ATP2A2: variants seen among roughly 807,000 people sequenced by gnomAD.
ATP2A2 encodes the protein ATPase sarcoplasmic/endoplasmic reticulum Ca2+ transporting 2, also known as sarcoplasmic/endoplasmic reticulum calcium ATPase 2.
ATP2A2 carries 14 observed loss-of-function variants against 109.3 expected under a neutral mutation model. The observed-to-expected ratio is 0.13, with a 90% CI of 0.08 to 0.20. The LOEUF (loss-of-function observed/expected upper bound fraction) is 0.20, where lower values mean the gene tolerates loss of function less well. Ranked by LOEUF, ATP2A2 falls within the 10% of genes least tolerant of loss-of-function variation. The pLI is 1.00. For missense variants in ATP2A2, 657 were observed against 1,321.6 expected (o/e 0.50, Z 7.80); for synonymous variants, 506 against 490.9 (o/e 1.03, Z -0.41).
At chr12:110,308,105 A>T (rs1257278802) in intron 5 of ATP2A2, among the ~76,000 whole-genome samples, 1 of 152,196 alleles carries the variant, frequency 6.6e-6, no homozygotes, top group Non-Finnish European at 1.5e-5. Flanking sequence ...CATCTTGCTG[A>T]ACTCATTAGT....
chr12:110,289,427 A>C (rs1464437860), intron 3 of ATP2A2, among the ~76,000 whole-genome samples: 3 of 152,310 alleles, frequency 2.0e-5, no homozygotes, highest in Middle Eastern at 3.4e-3. Context: ...CCTGGCCTTA[A>C]CACTAGAATG....
chr12:110,339,490 G>A lies in ATP2A2; in HGVS notation c.1543-13G>A. The A allele has an allele frequency of 1.9e-6, 3 of 1,613,976 alleles. No homozygotes were observed. The highest frequency in any genetic ancestry group is 2.2e-5 in the East Asian group (1 of 44,874). On this transcript the variant is annotated splice_polypyrimidine_tract_variant and intron_variant, in intron 12 of 19. Transcript: ENST00000539276. This position sits in a 1 kb window ranked among gnomAD's most constrained non-coding sequence, Gnocchi z 4.4. Reference sequence around the variant, plus strand: ...AAAACAAAATTGTTTATCTAAATCTGTAACATTTCCAGGGTGCTCCTGAAG... The same window carrying A: ...AAAACAAAATTGTTTATCTAAATCTATAACATTTCCAGGGTGCTCCTGAAG...
intron 4 of ATP2A2, among the ~76,000 whole-genome samples, chr12:110,293,850 G>GTATATATA (rs1276415415): frequency 8.2e-6 from 1 of 122,480 alleles, no homozygotes. Flanking sequence ...GTGTGTGTGT[G>GTATATATA]TGTGTGTGTG....
chr12:110,314,715 G>T (rs1238481251), intron 5 of ATP2A2, among the ~76,000 whole-genome samples: 1 of 152,094 alleles, frequency 6.6e-6, no homozygotes, highest in African/African-American at 2.4e-5. Context: ...GCAGTACCTG[G>T]TCTAGAAATA....
At chr12:110,345,120 G>A (rs1879719121) in intron 17 of ATP2A2, 129 bp from the exon 18 acceptor site, 37 of 1,526,800 alleles carry the variant, frequency 2.4e-5, no homozygotes, top group South Asian at 1.4e-4. Context: ...GGGCTTCTCC[G>A]AGAAATTGGG....
At chr12:110,346,176 G>A (rs758657320) in intron 19 of ATP2A2, 25 bp from the exon 20 acceptor site, 15 of 1,614,062 alleles carry the variant, frequency 9.3e-6, no homozygotes, top group Middle Eastern at 1.6e-4. Context: ...GGCTGGAGGC[G>A]TGACACGTCT....
chr12:110,297,372 G>A (rs1874072671), intron 5 of ATP2A2, among the ~76,000 whole-genome samples: 1 of 147,916 alleles, frequency 6.8e-6, no homozygotes, highest in Non-Finnish European at 1.5e-5. Context: ...GGAGGCGGAG[G>A]TTGCAGTGAG....
Position 110,282,724 on chromosome 12 carries a change from C to T in ATP2A2, c.148C>T (p.Leu50=). 5 of 1,614,018 alleles carry T rather than the reference C, an allele frequency of 3.1e-6. No individual in the cohort carries two copies. The highest frequency in any genetic ancestry group is 2.2e-5 in the East Asian group (1 of 44,862). ...TTTGTTTCTTACAGGAAAAACCTTG[C>T]TGGAACTTGTGATTGAGCAGTTTGA... is the stretch of plus-strand genomic sequence containing the variant. ...ELPAEEGKTL[L]ELVIEQFEDL... Residue 50 remains leucine, a synonymous_variant, in exon 3 of 20, where the codon CTG becomes TTG. Transcript: ENST00000539276.
chr12:110,306,754 G>T (rs1421874951), intron 5 of ATP2A2, among the ~76,000 whole-genome samples: 2 of 151,830 alleles, frequency 1.3e-5, no homozygotes, highest in African/African-American at 4.8e-5. Flanking sequence ...TTGAGATAGG[G>T]TCTCACTCTG....
rs952133414 is a variant in ATP2A2, at chr12:110,350,145, C to A, written c.*3675C>A. 7 of 1,550,042 alleles carry A rather than the reference C, an allele frequency of 4.5e-6. No individual in the cohort carries two copies. The African/African-American group carries it at 8.2e-5, about 18-fold the overall frequency. Reference sequence around the variant, plus strand: ...GGGCGGCACCTCAGGGACAGTAAATCAGAAATGCTGGTCTTGAAACCTTGA... The same window carrying A: ...GGGCGGCACCTCAGGGACAGTAAATAAGAAATGCTGGTCTTGAAACCTTGA... On this transcript the variant is annotated 3_prime_UTR_variant, in exon 20 of 20. Transcript: ENST00000539276.
intron 5 of ATP2A2, among the ~76,000 whole-genome samples, chr12:110,308,238 G>C (rs1351921168): frequency 2.0e-5 from 3 of 152,232 alleles, no homozygotes; most frequent in African/African-American, 7.2e-5. Context: ...TAATTGCCCT[G>C]GTTAGAATCT....
intron 18 of ATP2A2, 160 bp downstream of exon 18, chr12:110,345,542 C>T (rs1879765951): frequency 8.8e-7 from 1 of 1,137,874 alleles, no homozygotes; most frequent in Non-Finnish European, 1.3e-6. Context: ...GAGCTGTCGT[C>T]ACCTCCAGGA....
chr12:110,302,548 T>C (rs1036365639), intron 5 of ATP2A2, among the ~76,000 whole-genome samples: 1 of 150,934 alleles, frequency 6.6e-6, no homozygotes, highest in African/African-American at 2.4e-5. Context: ...TGCTTTGACG[T>C]TGGGCTCTGT....
chr12:110,334,197 ATACT>A, intron 11 of ATP2A2, 54 bp downstream of exon 11: 1 of 1,603,474 alleles, frequency 6.2e-7, no homozygotes, highest in Non-Finnish European at 8.5e-7. Flanking sequence ...CGTACTATAT[ATACT>A]TAGTGTCTGC....
intron 4 of ATP2A2, among the ~76,000 whole-genome samples, chr12:110,294,961 A>G (rs1873806299): frequency 6.6e-6 from 1 of 151,982 alleles, no homozygotes; most frequent in South Asian, 2.1e-4. Context: ...CTGGGATTAC[A>G]GGCGTGCACC....
At position 110,296,673 on chromosome 12, in the gene ATP2A2, C is replaced by T. The variant is rs1873993756; in HGVS notation, c.399C>T (p.Asp133=). Residue 133 remains aspartate, a synonymous_variant, in exon 5 of 20, where the codon GAC becomes GAT. Coordinates refer to ENST00000539276, the MANE Select transcript of ATP2A2 (RefSeq NM_170665.4). Reference sequence around the variant, plus strand: ...AAATGGGCAAAGTGTATCGACAGGACAGAAAGAGTGTGCAGCGGATTAAAG... The same window carrying T: ...AAATGGGCAAAGTGTATCGACAGGATAGAAAGAGTGTGCAGCGGATTAAAG... The part of the protein sequence containing the change: ...EPEMGKVYRQ[D]RKSVQRIKAK... The T allele has an allele frequency of 6.2e-7, 1 of 1,613,976 alleles. No homozygotes were observed. The highest frequency in any genetic ancestry group is 1.1e-5 in the South Asian group (1 of 91,086).
Position 110,339,774 on chromosome 12 carries a change from A to C in ATP2A2, c.1761+53A>C. The C allele has an allele frequency of 6.4e-7, 1 of 1,565,536 alleles. No individual in the cohort carries two copies. Among genetic ancestry groups the C allele is most frequent in the South Asian group, 1.1e-5 (1 of 89,450 alleles). On this transcript the variant is annotated intron_variant, in intron 13 of 19. Transcript: ENST00000539276. This position sits in a 1 kb window ranked among gnomAD's most constrained non-coding sequence, Gnocchi z 4.4. ...ACACCCTGCACGATTCATTGTGTTT[A>C]AACAGTACTCCTTCAAGCAAAAGGT...
At position 110,350,210 on chromosome 12, in the gene ATP2A2, G is replaced by C. The variant is rs1592875557; in HGVS notation, c.*3740G>C. The C allele has an allele frequency of 6.2e-7, 1 of 1,613,454 alleles. No individual in the cohort carries two copies. The highest frequency in any genetic ancestry group is 8.5e-7 in the Non-Finnish European group (1 of 1,179,796). Reference sequence around the variant, plus strand: ...ATGTTCCTTTTCATCTGTCGCTGTTGATCTTCATCTATTTAAATAGGTATT... The same window carrying C: ...ATGTTCCTTTTCATCTGTCGCTGTTCATCTTCATCTATTTAAATAGGTATT... On this transcript the variant is annotated 3_prime_UTR_variant, in exon 20 of 20. Coordinates refer to ENST00000539276, the MANE Select transcript of ATP2A2 (RefSeq NM_170665.4).
At chr12:110,332,305 G>A (rs970496368) in intron 8 of ATP2A2, 1 of 418,800 alleles carries the variant, frequency 2.4e-6, no homozygotes, top group African/African-American at 2.0e-5. Flanking sequence ...TGTGTGGGTT[G>A]TTGTGTCTTT....
Sources: allele counts gnomAD v4.1 joint callset (sites outside exome capture counted in the v4.1 genomes callset), GRCh38; gene constraint gnomAD v4.1.1; non-coding constraint Gnocchi (gnomAD v3.1); transcripts MANE v1.5; gene names NCBI Gene and HGNC (gene_info 2026-07-23, HGNC 2026-07-21).